The following ZMYM6 variants were observed in gnomAD, a reference collection of about 807,000 sequenced individuals.
The protein encoded by ZMYM6 is zinc finger MYM-type protein 6.
In ZMYM6, 90 loss-of-function variants were observed where a neutral mutation model predicts 134.0. The ratio of observed to expected loss-of-function variants is 0.67; its 90% CI spans 0.57 to 0.80. The LOEUF (loss-of-function observed/expected upper bound fraction) is 0.80, where lower values mean the gene tolerates loss of function less well. Among genes scored for constraint, ZMYM6 ranks in the 30% least tolerant of loss-of-function variants. The probability of loss-of-function intolerance (pLI) is 0.00; values close to 1 mark genes in which losing one functional copy is unlikely to be tolerated. For synonymous variants in ZMYM6, 481 were observed against 524.1 expected (o/e 0.92, Z 1.12); for missense variants, 1,362 against 1,533.9 (o/e 0.89, Z 1.87).
chr1:35,021,673 T>C (rs1003236520), intron 2 of ZMYM6, among the ~76,000 whole-genome samples: 2 of 152,174 alleles, frequency 1.3e-5, no homozygotes, highest in African/African-American at 4.8e-5. Flanking sequence ...GATTTAGAGT[T>C]TGGATTTCAA....
At position 34,987,612 on chromosome 1, in the gene ZMYM6, C is replaced by G; in HGVS notation, c.3470G>C (p.Arg1157Pro). The G allele has an allele frequency of 6.2e-7, 1 of 1,607,274 alleles. No homozygotes were observed. The highest frequency in any genetic ancestry group is 8.5e-7 in the Non-Finnish European group (1 of 1,176,242). The part of the protein sequence containing the change: ...FKRKLKMWLK[R>P]TQENDYDMFP... The stretch of plus-strand genomic sequence containing the variant: ...CATGTCATAATCATTCTCTTGTGTG[C>G]GCTTCAACCACATTTTTAACTTTCT... The change falls in exon 16 of 16, where the codon CGC becomes CCC. Residue 1157 changes from arginine (R) to proline (P), a missense_variant. Physicochemically the swap from Arg to Pro is moderately radical, Grantham distance 103. This residue lies in a region of ZMYM6 where 824 missense variants were observed against 940.9 expected (regional missense o/e 0.88). Transcript: ENST00000357182.
At chr1:35,009,847 G>A (rs1224102410) in intron 10 of ZMYM6, among the ~76,000 whole-genome samples, 6 of 151,898 alleles carry the variant, frequency 4.0e-5, no homozygotes, top group African/African-American at 1.5e-4. Context: ...GAAGTGGGAG[G>A]ATCCCTTAAA....
At chr1:34,991,958 C>G (rs1221602129) in intron 15 of ZMYM6, 1 of 412,292 alleles carries the variant, frequency 2.4e-6, no homozygotes, top group Admixed American at 3.7e-5. Context: ...CAACTGACAA[C>G]TGAATTCGCA....
chr1:35,029,811 C>A (rs1365073649), intron 2 of ZMYM6, among the ~76,000 whole-genome samples: 1 of 152,190 alleles, frequency 6.6e-6, no homozygotes, highest in Non-Finnish European at 1.5e-5. Context: ...CAGACCACAA[C>A]CAAAACTAGG....
At chr1:35,007,252 A>T (rs984156546) in intron 11 of ZMYM6, among the ~76,000 whole-genome samples, 154 bp from the exon 12 acceptor site, 3 of 152,208 alleles carry the variant, frequency 2.0e-5, no homozygotes, top group Admixed American at 6.5e-5. Context: ...GATTTTATTT[A>T]ATTATTTGTT....
chr1:34,995,049 C>T, intron 14 of ZMYM6, among the ~76,000 whole-genome samples: 1 of 127,812 alleles, frequency 7.8e-6, no homozygotes, highest in African/African-American at 3.1e-5. Flanking sequence ...TATATACTTA[C>T]ATACGTATAT....
At chr1:35,009,597 C>A (rs1325590858) in intron 10 of ZMYM6, among the ~76,000 whole-genome samples, 2 of 152,144 alleles carry the variant, frequency 1.3e-5, no homozygotes, top group Non-Finnish European at 2.9e-5. Context: ...CTGATGTAAT[C>A]ATTTTTACAG....
In ZMYM6 at chr1:34,995,349, A is replaced by G. The variant is rs1640765653; in HGVS notation, c.1993-2962T>C. 2.0e-5 allele frequency among the ~76,000 whole-genome samples: 3 copies of G among 150,992 alleles called. No individual in the cohort carries two copies. In the South Asian group the frequency reaches 6.3e-4, roughly 31 times the overall value. On this transcript the variant is annotated intron_variant, in intron 14 of 15. Coordinates refer to ENST00000357182, the MANE Select transcript of ZMYM6 (RefSeq NM_007167.4). The stretch of plus-strand genomic sequence containing the variant: ...TATACAATATATGTATATACGTTGT[A>G]TATGTATATATGTTGCCTCTATGTA...
At position 35,014,994 on chromosome 1, in the gene ZMYM6, ATTC is replaced by A; in HGVS notation, c.594_596del (p.Lys198del). 6.2e-7 allele frequency: 1 copy of A among 1,610,638 alleles called. No homozygotes were observed. The highest frequency in any genetic ancestry group is 2.2e-5 in the East Asian group (1 of 44,850). ...AAAGTAAAATGTAACTTACATCAGC[ATTC>A]TTCTGACACATACTGCACTTAGTTG... On this transcript the variant is annotated inframe_deletion, in exon 5 of 16. Coordinates refer to ENST00000357182, the MANE Select transcript of ZMYM6 (RefSeq NM_007167.4).
chr1:35,017,881 GTTCT>G (rs1641233516), intron 4 of ZMYM6: 1 of 151,996 alleles, frequency 6.6e-6, no homozygotes, highest in African/African-American at 2.4e-5. Context: ...GTTGTGTTAT[GTTCT>G]TTAAAATTAT....
At chr1:34,990,899 T>C in intron 15 of ZMYM6, among the ~76,000 whole-genome samples, 1 of 152,212 alleles carries the variant, frequency 6.6e-6, no homozygotes, top group Admixed American at 6.5e-5. Context: ...AGTTTCACTC[T>C]TGTTGCCCAG....
chr1:35,010,091 C>T (rs1641057606), intron 10 of ZMYM6, among the ~76,000 whole-genome samples: 1 of 152,124 alleles, frequency 6.6e-6, no homozygotes, highest in East Asian at 1.9e-4. Flanking sequence ...CTCACTGCAA[C>T]CTCTGCCTCT....
At chr1:35,024,201 C>T (rs1269625207) in intron 2 of ZMYM6, among the ~76,000 whole-genome samples, 1 of 152,130 alleles carries the variant, frequency 6.6e-6, no homozygotes, top group Non-Finnish European at 1.5e-5. Context: ...GAAAAGGAAA[C>T]CTTCTTTTTA....
chr1:34,988,658 A>C lies in ZMYM6; in HGVS notation c.2424T>G (p.Ser808=). Residue 808 remains serine (S), a synonymous_variant, in exon 16 of 16, where the codon TCT becomes TCG. Transcript: ENST00000357182. ...NKPVDFFEQK[S]LEMECQNSSL... Reference sequence around the variant, plus strand: ...AACTATTTTGACATTCCATTTCTAAAGATTTTTGTTCAAAAAAATCTACTG... The same window carrying C: ...AACTATTTTGACATTCCATTTCTAACGATTTTTGTTCAAAAAAATCTACTG... 1.3e-6 allele frequency: 2 copies of C among 1,547,188 alleles called. No individual in the cohort carries two copies. Among genetic ancestry groups the C allele is most frequent in the Non-Finnish European group, 1.7e-6 (2 of 1,145,674 alleles).
intron 4 of ZMYM6, chr1:35,018,766 C>T (rs1265876108): frequency 6.5e-6 from 1 of 153,364 alleles, no homozygotes; most frequent in African/African-American, 2.4e-5. Context: ...TAACAACACA[C>T]TGTATTCCTC....
chr1:34,999,189 G>C (rs992965258), intron 14 of ZMYM6, among the ~76,000 whole-genome samples: 1 of 152,212 alleles, frequency 6.6e-6, no homozygotes, highest in Non-Finnish European at 1.5e-5. Context: ...TGATGTCCTG[G>C]AAGTTGAATG....
intron 1 of ZMYM6, among the ~76,000 whole-genome samples, chr1:35,030,970 G>A (rs903723470): frequency 1.3e-5 from 2 of 152,162 alleles, no homozygotes; most frequent in Admixed American, 1.3e-4. Flanking sequence ...CTATGTTGAA[G>A]GTTATTGAAG....
At chr1:35,027,873 T>C (rs1382850982) in intron 2 of ZMYM6, among the ~76,000 whole-genome samples, 1 of 152,206 alleles carries the variant, frequency 6.6e-6, no homozygotes, top group Non-Finnish European at 1.5e-5. Context: ...ATTTACCATC[T>C]GGAGGGAAAA....
In ZMYM6 at chr1:35,010,905, G is replaced by C; in HGVS notation, c.1194C>G (p.Pro398=). The change falls in exon 9 of 16, where the codon CCC becomes CCG. Residue 398 remains proline, a synonymous_variant. Coordinates refer to ENST00000357182, the MANE Select transcript of ZMYM6 (RefSeq NM_007167.4). ...IGGGNTSAVS[P]SSIRGSAAAS... Reference sequence around the variant, plus strand: ...CTGCAGCAGAGCCACGGATGGAGCTGGGGGAAACGGCAGAGGTGTTACCTC... The same window carrying C: ...CTGCAGCAGAGCCACGGATGGAGCTCGGGGAAACGGCAGAGGTGTTACCTC... 6.2e-7 allele frequency: 1 copy of C among 1,613,508 alleles called. No homozygotes were observed. The highest frequency in any genetic ancestry group is 8.5e-7 in the Non-Finnish European group (1 of 1,179,838).
Sources: allele counts gnomAD v4.1 joint callset (sites outside exome capture counted in the v4.1 genomes callset), GRCh38; gene constraint gnomAD v4.1.1; regional missense constraint gnomAD v4.1.1; transcripts MANE v1.5; gene names NCBI Gene and HGNC (gene_info 2026-07-23, HGNC 2026-07-21).